Variants in ATG9A observed in about 807,000 individuals in gnomAD.
The protein encoded by ATG9A is autophagy-related protein 9A.
Under a neutral mutation model 87.1 loss-of-function variants are expected in ATG9A, and 21 were observed. That is an observed-to-expected ratio of 0.24 (90% CI 0.17 to 0.35). ATG9A has a LOEUF of 0.35. Ranked by LOEUF, ATG9A falls within the 10% of genes least tolerant of loss-of-function variation. The pLI, the probability that ATG9A is intolerant of heterozygous loss-of-function variation, is 1.00. For missense variants in ATG9A, 836 were observed against 1,107.3 expected (o/e 0.76, Z 3.48); for synonymous variants, 422 against 441.3 (o/e 0.96, Z 0.55).
chr2:219,223,498 A>T lies in ATG9A; in HGVS notation c.1599+87T>A, dbSNP rs549261381. 2.1e-6 allele frequency: 3 copies of T among 1,432,434 alleles called. No individual in the cohort carries two copies. The African/African-American group carries it at 4.3e-5, about 20-fold the overall frequency. 88.7% of individuals were successfully genotyped at this position (1,432,434 alleles called of 1,614,324 possible). On this transcript the variant is annotated intron_variant, in intron 10 of 15. Coordinates refer to ENST00000361242, the MANE Select transcript of ATG9A (RefSeq NM_001077198.3). This position sits in a 1 kb window ranked among gnomAD's most constrained non-coding sequence, Gnocchi z 4.7. ...GTATAGGACTGCCTTTGTGTGACTC[A>T]GGAGAGGTGTCTTTTTGCGGTTTTC...
At position 219,223,910 on chromosome 2, in the gene ATG9A, G is replaced by T; in HGVS notation, c.1378C>A (p.Gln460Lys). Residue 460 changes from glutamine (Q) to lysine (K), a missense_variant, in exon 9 of 16, where the codon CAG (glutamine) becomes AAG (lysine). Coordinates refer to ENST00000361242, the MANE Select transcript of ATG9A (RefSeq NM_001077198.3). This position sits in a 1 kb window ranked among gnomAD's most constrained non-coding sequence, Gnocchi z 4.7. Reference protein sequence around the residue: ...DHWQGNAHRSQTRDEFAQLFQ... With the variant: ...DHWQGNAHRSKTRDEFAQLFQ... ...AGCTGGGCAAACTCGTCCCGGGTCT[G>T]CGAGCGGTGGGCATTACCCTGCCAG... is the stretch of plus-strand genomic sequence containing the variant. 1 of 1,614,186 alleles carries T rather than the reference G, an allele frequency of 6.2e-7. No individual in the cohort carries two copies. Among genetic ancestry groups the T allele is most frequent in the African/African-American group, 1.3e-5 (1 of 75,050 alleles).
At position 219,222,077 on chromosome 2, in the gene ATG9A, C is replaced by T; in HGVS notation, c.2118G>A (p.Met706Ile). The change falls in exon 13 of 16, where the codon ATG becomes ATA. Residue 706 changes from methionine (M) to isoleucine (I), a missense_variant. This residue lies in a region of ATG9A where 324 missense variants were observed against 347.6 expected (regional missense o/e 0.93). Coordinates refer to ENST00000361242, the MANE Select transcript of ATG9A (RefSeq NM_001077198.3). The surrounding 1 kb of genome is among the most constrained non-coding windows in gnomAD (Gnocchi z 4.3). ...GGTGCATATAGAGGGCATGCAGGCT[C>T]ATCTCTGTGGATGCATATTCTGACA... ...LVLSEYASTE[M>I]SLHALYMHQL... The T allele has an allele frequency of 6.2e-7, 1 of 1,614,074 alleles. No homozygotes were observed. Among genetic ancestry groups the T allele is most frequent in the Non-Finnish European group, 8.5e-7 (1 of 1,180,018 alleles).
In ATG9A at chr2:219,222,843, A is replaced by G. The variant is rs945794075; in HGVS notation, c.1650T>C (p.Asp550=). 1 of 1,614,150 alleles carries G rather than the reference A, an allele frequency of 6.2e-7. No homozygotes were observed. The highest frequency in any genetic ancestry group is 8.5e-7 in the Non-Finnish European group (1 of 1,180,036). Reference sequence around the variant, plus strand: ...GCATGAGTGACAACTCTGTCTTTCCATCCTCAGCTTGCTGGTACACTGAGG... The same window carrying G: ...GCATGAGTGACAACTCTGTCTTTCCGTCCTCAGCTTGCTGGTACACTGAGG... ...TEASVYQQAE[D]GKTELSLMHF... The change falls in exon 11 of 16, where the codon GAT becomes GAC. Residue 550 remains aspartate (D), a synonymous_variant. Transcript: ENST00000361242. The surrounding 1 kb of genome is among the most constrained non-coding windows in gnomAD (Gnocchi z 4.3).
rs144131677 is a variant in ATG9A at position 219,222,265 on chromosome 2, T to C, written c.2027+7A>G. ...GTGCCCTCCCATCTTGGCCCCGATT[T>C]ACTCACCCAGAGCCTGTCATGGTGC... On this transcript the variant is annotated splice_region_variant and intron_variant, in intron 12 of 15. Coordinates refer to ENST00000361242, the MANE Select transcript of ATG9A (RefSeq NM_001077198.3). The surrounding 1 kb of genome is among the most constrained non-coding windows in gnomAD (Gnocchi z 4.3). 1 of 1,613,464 alleles carries C rather than the reference T, an allele frequency of 6.2e-7. No homozygotes were observed. The highest frequency in any genetic ancestry group is 8.5e-7 in the Non-Finnish European group (1 of 1,179,996).
In ATG9A at chr2:219,223,732, A is replaced by G; in HGVS notation, c.1452T>C (p.Ile484=). The change falls in exon 10 of 16, where the codon ATT becomes ATC. Residue 484 remains isoleucine (I), a synonymous_variant. Coordinates refer to ENST00000361242, the MANE Select transcript of ATG9A (RefSeq NM_001077198.3). This position sits in a 1 kb window ranked among gnomAD's most constrained non-coding sequence, Gnocchi z 4.7. ...VFILEELLSP[I]VTPLILIFCL... ...AGAAGATGAGGATGAGGGGTGTGAC[A>G]ATGGGGCTCAGCAACTCTTCCAAAA... 1 of 1,613,156 alleles carries G rather than the reference A, an allele frequency of 6.2e-7. No individual in the cohort carries two copies. The highest frequency in any genetic ancestry group is 8.5e-7 in the Non-Finnish European group (1 of 1,179,614).
intron 5 of ATG9A, among the ~76,000 whole-genome samples, chr2:219,226,634 G>A (rs1950866839): frequency 6.6e-6 from 1 of 152,112 alleles, no homozygotes; most frequent in South Asian, 2.1e-4. Flanking sequence ...GTTGCACCGA[G>A]CCAAGACCAC....
intron 1 of ATG9A, chr2:219,228,958 T>C (rs1950935704): frequency 6.6e-6 from 1 of 152,052 alleles, no homozygotes; most frequent in South Asian, 2.1e-4. Flanking sequence ...CCTAGGTGAA[T>C]TTGTGGGTTC....
In ATG9A at chr2:219,224,814, C is replaced by T. The variant is rs1413942878; in HGVS notation, c.557G>A (p.Arg186Gln). ...PYCTWQEVQA[R>Q]IVQTQKEHQI... ...GTGCTCCTTCTGCGTCTGCACGATC[C>T]GGGCCTGCACTTCTTGCCACGTGCA... Residue 186 changes from arginine to glutamine, a missense_variant, in exon 8 of 16, where the codon CGG (arginine) becomes CAG (glutamine). Transcript: ENST00000361242. This position sits in a 1 kb window ranked among gnomAD's most constrained non-coding sequence, Gnocchi z 7.7. 1.1e-5 allele frequency: 17 copies of T among 1,613,996 alleles called. No homozygotes were observed. Among genetic ancestry groups the T allele is most frequent in the Non-Finnish European group, 1.4e-5 (16 of 1,180,042 alleles).
chr2:219,228,943 C>A (rs1032648904), intron 1 of ATG9A: 2 of 152,242 alleles, frequency 1.3e-5, no homozygotes, highest in African/African-American at 4.8e-5. Flanking sequence ...GTGTAGACCC[C>A]CGATCCTAGG....
At position 219,220,905 on chromosome 2, in the gene ATG9A, G is replaced by A. The variant is rs771986338; in HGVS notation, c.2369-13C>T. 1 of 1,612,712 alleles carries A rather than the reference G, an allele frequency of 6.2e-7. No individual in the cohort carries two copies. Among genetic ancestry groups the A allele is most frequent in the Non-Finnish European group, 8.5e-7 (1 of 1,179,716 alleles). ...ACTGTGCCAGGATCTGGAGAGACAAGTAAGAGTAAGCATACTCATAGAAGG... is the reference window on the plus strand; with the variant it reads ...ACTGTGCCAGGATCTGGAGAGACAAATAAGAGTAAGCATACTCATAGAAGG... On this transcript the variant is annotated splice_polypyrimidine_tract_variant and intron_variant, in intron 14 of 15. Coordinates refer to ENST00000361242, the MANE Select transcript of ATG9A (RefSeq NM_001077198.3).
At position 219,220,023 on chromosome 2, in the gene ATG9A, G is replaced by A. The variant is rs1950719042; in HGVS notation, c.*424C>T. 4.7e-6 allele frequency: 1 copy of A among 211,216 alleles called. No individual in the cohort carries two copies. The highest frequency in any genetic ancestry group is 2.3e-5 in the African/African-American group (1 of 43,882). 13.1% of individuals were successfully genotyped at this position (211,216 alleles called of 1,614,324 possible). A position where few individuals can be genotyped will look rare whatever the true frequency, so the allele number is the denominator to read the frequency against. On this transcript the variant is annotated 3_prime_UTR_variant, in exon 16 of 16. Coordinates refer to ENST00000361242, the MANE Select transcript of ATG9A (RefSeq NM_001077198.3). ...AGCCTGACCTGCTCATCTATTGAGG[G>A]GGCTAGGGAAGGTTGCAGGGGTTGA...
intron 15 of ATG9A, 74 bp from the exon 16 acceptor site, chr2:219,220,526 T>C (rs938898509): frequency 6.3e-7 from 1 of 1,592,698 alleles, no homozygotes; most frequent in Non-Finnish European, 8.6e-7. Context: ...CATAGAAACC[T>C]AGAGGTAAAG....
chr2:219,221,152 C>A lies in ATG9A; in HGVS notation c.2296G>T (p.Ala766Ser), dbSNP rs1402151487. 1 of 1,610,204 alleles carries A rather than the reference C, an allele frequency of 6.2e-7. No individual in the cohort carries two copies. The highest frequency in any genetic ancestry group is 8.5e-7 in the Non-Finnish European group (1 of 1,178,172). ...IPRSASYPCA[A>S]PRPGAPETTA... ...GTCTCAGGAGCTCCAGGCCGGGGTG[C>A]TGCACAGGGATAGCTAGCAGAGCGA... Residue 766 changes from alanine (A) to serine (S), a missense_variant, in exon 14 of 16, where the codon GCA (alanine) becomes TCA (serine). This residue lies in a region of ATG9A where 324 missense variants were observed against 347.6 expected (regional missense o/e 0.93). Coordinates refer to ENST00000361242, the MANE Select transcript of ATG9A (RefSeq NM_001077198.3).
At chr2:219,221,681 G>A (rs147281038) in intron 13 of ATG9A, among the ~76,000 whole-genome samples, 2 of 152,182 alleles carry the variant, frequency 1.3e-5, no homozygotes, top group African/African-American at 4.8e-5. Flanking sequence ...AAATAAATAA[G>A]GAAAAAACAT....
intron 13 of ATG9A, 75 bp downstream of exon 13, chr2:219,221,975 A>G: frequency 7.5e-7 from 1 of 1,326,364 alleles, no homozygotes; most frequent in Non-Finnish European, 1.1e-6. Context: ...AGTAAATGGC[A>G]GAGAAGGGTT....
rs376305136 is a variant in ATG9A at position 219,228,104 on chromosome 2, A to G, written c.-29-51T>C. The G allele has an allele frequency of 1.6e-5, 21 of 1,336,614 alleles. No individual in the cohort carries two copies. In the East Asian group the frequency reaches 2.1e-4, roughly 13 times the overall value. The allele number at this position is 1,336,614 out of a possible 1,614,324, so 82.8% of individuals were successfully genotyped here. A position where few individuals can be genotyped will look rare whatever the true frequency, so the allele number is the denominator to read the frequency against. ...CCTGATTCAGTTCCAGCTGCTGCCC[A>G]TGGGCTGCCCTGCCTACTGCCAAAA... On this transcript the variant is annotated intron_variant, in intron 2 of 15. Coordinates refer to ENST00000361242, the MANE Select transcript of ATG9A (RefSeq NM_001077198.3).
chr2:219,221,040 C>T, intron 14 of ATG9A, 40 bp downstream of exon 14: 1 of 1,605,944 alleles, frequency 6.2e-7, no homozygotes. Context: ...AACCACCCTT[C>T]CCTGCAGCCT....
rs529749529 is a variant in ATG9A at position 219,220,788 on chromosome 2, C to T, written c.2473G>A (p.Glu825Lys). ...SASRHPEPVP[E>K]EGSEDELPPQ... ...GGTAGCTCATCCTCCGAGCCCTCTT[C>T]GGGCACGGGCTCAGGGTGCCTTGAT... Residue 825 changes from glutamate to lysine, a missense_variant, in exon 15 of 16, where the codon GAA becomes AAA. Physicochemically the swap from Glu to Lys is moderately conservative, Grantham distance 56 (BLOSUM62 1). Transcript: ENST00000361242. The T allele has an allele frequency of 1.3e-4, 202 of 1,613,496 alleles. No individual in the cohort carries two copies. Among genetic ancestry groups the T allele is most frequent in the Non-Finnish European group, 1.6e-4 (194 of 1,179,984 alleles).
chr2:219,219,985 A>C lies in ATG9A; in HGVS notation c.*462T>G, dbSNP rs1416553082. 1 of 183,016 alleles carries C rather than the reference A, an allele frequency of 5.5e-6. No homozygotes were observed. Among genetic ancestry groups the C allele is most frequent in the African/African-American group, 2.3e-5 (1 of 42,588 alleles). 11.3% of individuals were successfully genotyped at this position (183,016 alleles called of 1,614,324 possible). Reference sequence around the variant, plus strand: ...CAGCACTGGGCGAGAACTGCGGGTGAGGTAAGGGCCACAGCCTGACCTGCT... The same window carrying C: ...CAGCACTGGGCGAGAACTGCGGGTGCGGTAAGGGCCACAGCCTGACCTGCT... On this transcript the variant is annotated 3_prime_UTR_variant, in exon 16 of 16. Coordinates refer to ENST00000361242, the MANE Select transcript of ATG9A (RefSeq NM_001077198.3).
Sources: gnomAD v4.1 joint callset for allele counts (sites outside exome capture counted in the v4.1 genomes callset) on GRCh38, gnomAD v4.1.1 for gene constraint, gnomAD v4.1.1 regional missense constraint, Gnocchi (gnomAD v3.1) non-coding constraint, MANE v1.5 for transcripts, NCBI Gene and HGNC (gene_info 2026-07-23, HGNC 2026-07-21) for gene names.